Variants in ATG7 observed in about 807,000 individuals in gnomAD.
The protein encoded by ATG7 is autophagy related 7.
ATG7 carries 70 observed loss-of-function variants against 82.4 expected under a neutral mutation model. The ratio of observed to expected loss-of-function variants is 0.85; its 90% CI spans 0.70 to 1.04. The LOEUF (loss-of-function observed/expected upper bound fraction) is 1.04, where lower values mean the gene tolerates loss of function less well. ATG7 is among the 50% of genes least tolerant of loss of function. The probability of loss-of-function intolerance (pLI) is 0.00; values close to 1 mark genes in which losing one functional copy is unlikely to be tolerated. For missense variants in ATG7, 792 were observed against 864.3 expected, an observed-to-expected ratio of 0.92 and a Z score of 1.05; for synonymous variants, 287 against 313.0, an observed-to-expected ratio of 0.92 and a Z score of 0.88.
At chr3:11,538,669 T>A (rs1293914277) in intron 20 of ATG7, among the ~76,000 whole-genome samples, 2 of 89,788 alleles carry the variant, frequency 2.2e-5, no homozygotes, top group Non-Finnish European at 3.9e-5. Flanking sequence ...GTGATGAAAC[T>A]CCGTCTCTAA....
the ATG7 span, among the ~76,000 whole-genome samples, chr3:11,570,067 T>C: frequency 6.6e-6 from 1 of 152,208 alleles, no homozygotes. Context: ...CTCCCAACCT[T>C]TACCTGCTGC....
intron 1 of ATG7, among the ~76,000 whole-genome samples, chr3:11,278,906 A>G (rs187006420): frequency 4.3e-4 from 65 of 152,350 alleles, no homozygotes; most frequent in Admixed American, 4.1e-3. Context: ...GGCTTCCCTC[A>G]GAAGTGATGA....
In ATG7 at chr3:11,555,725, G is replaced by A. The variant is rs2072339855; in HGVS notation, c.*882G>A. The A allele has an allele frequency of 6.6e-6, 1 of 152,304 alleles. No homozygotes were observed. The highest frequency in any genetic ancestry group is 1.5e-5 in the Non-Finnish European group (1 of 68,100). The allele number at this position is 152,304 out of a possible 1,614,324, so 9.4% of individuals were successfully genotyped here. A position where few individuals can be genotyped will look rare whatever the true frequency, so the allele number is the denominator to read the frequency against. ...AAGAGCTGGTTTTCCTCTTTATTCT[G>A]GGTGTGTGCAGCTGTGAGGCCCCAA... On this transcript the variant is annotated 3_prime_UTR_variant, in exon 21 of 21. Coordinates refer to ENST00000693202, the MANE Select transcript of ATG7 (RefSeq NM_001349232.2).
At chr3:11,305,611 C>A in intron 5 of ATG7, among the ~76,000 whole-genome samples, 1 of 152,198 alleles carries the variant, frequency 6.6e-6, no homozygotes, top group East Asian at 1.9e-4. Flanking sequence ...TCAAGACCAG[C>A]TTGGATGTCC....
chr3:11,534,983 T>G (rs2092762844), intron 20 of ATG7, among the ~76,000 whole-genome samples: 1 of 152,258 alleles, frequency 6.6e-6, no homozygotes. Flanking sequence ...AGTGCTCATC[T>G]TGCACATTCT....
At chr3:11,322,638 G>A (rs1950357317) in intron 9 of ATG7, among the ~76,000 whole-genome samples, 1 of 151,968 alleles carries the variant, frequency 6.6e-6, no homozygotes, top group Admixed American at 6.6e-5. Context: ...CCTTTTTAAT[G>A]GATGTATGAT....
At chr3:11,412,895 T>G (rs1430907493) in intron 19 of ATG7, among the ~76,000 whole-genome samples, 1 of 152,154 alleles carries the variant, frequency 6.6e-6, no homozygotes, top group Non-Finnish European at 1.5e-5. Flanking sequence ...TTTATAATTT[T>G]TATTGTATAA....
In ATG7 at chr3:11,483,071, G is replaced by A. The variant is rs1365430780; in HGVS notation, c.2079+56145G>A. ...AAGTCCCACCTCTCCTATTTAATAT[G>A]TAAGAATGCAAAATTATCAGCTATT... On this transcript the variant is annotated intron_variant, in intron 20 of 20. Transcript: ENST00000693202. 2.6e-5 allele frequency among the ~76,000 whole-genome samples: 4 copies of A among 151,978 alleles called. No individual in the cohort carries two copies. The South Asian group carries it at 6.2e-4, about 24-fold the overall frequency.
chr3:11,427,839 G>C (rs1243555907), intron 20 of ATG7, among the ~76,000 whole-genome samples: 1 of 151,582 alleles, frequency 6.6e-6, no homozygotes, highest in Non-Finnish European at 1.5e-5. Context: ...AAATTATTGT[G>C]TTTTTCCAAA....
At chr3:11,492,909 GGC>G (rs2090500280) in intron 20 of ATG7, among the ~76,000 whole-genome samples, 1 of 152,234 alleles carries the variant, frequency 6.6e-6, no homozygotes, top group Non-Finnish European at 1.5e-5. Flanking sequence ...GGCCCCAGAG[GGC>G]ATGTTACAAT....
intron 20 of ATG7, among the ~76,000 whole-genome samples, chr3:11,554,401 G>A (rs1050536565): frequency 6.6e-6 from 1 of 152,202 alleles, no homozygotes; most frequent in Non-Finnish European, 1.5e-5. Flanking sequence ...ACGTGCCCAT[G>A]CCAGAATTCC....
At chr3:11,284,612 T>G (rs553215138) in intron 3 of ATG7, among the ~76,000 whole-genome samples, 1 of 151,110 alleles carries the variant, frequency 6.6e-6, no homozygotes, top group African/African-American at 2.4e-5. Flanking sequence ...AATACAGTGG[T>G]GCAGTCATGG....
chr3:11,497,570 T>C (rs900051865), intron 20 of ATG7, among the ~76,000 whole-genome samples: 2 of 150,224 alleles, frequency 1.3e-5, no homozygotes, highest in African/African-American at 4.9e-5. Context: ...GTCCCCCTAT[T>C]TCCCCTGATT....
intron 20 of ATG7, among the ~76,000 whole-genome samples, chr3:11,482,947 G>A (rs759368884): frequency 2.2e-4 from 33 of 151,694 alleles, no homozygotes; most frequent in Admixed American, 3.3e-4. Context: ...CCCCCCTTGA[G>A]CCCCTTACAG....
chr3:11,289,275 T>C (rs1353981814), intron 3 of ATG7, among the ~76,000 whole-genome samples: 2 of 152,286 alleles, frequency 1.3e-5, no homozygotes, highest in East Asian at 3.9e-4. Context: ...CATGAATAAC[T>C]CTGTCTATGA....
rs114751681 is a variant in ATG7, at chr3:11,388,068, C to T, written c.1956+8016C>T. ...AAGCACCATTGCTCTATGAGTGTTT[C>T]TTTGGTACCATTCCCAAGCTCTCCT... is the stretch of plus-strand genomic sequence containing the variant. On this transcript the variant is annotated intron_variant, in intron 19 of 20. Transcript: ENST00000693202. Among the ~76,000 whole-genome samples, 82 of 152,290 alleles carry T rather than the reference C, an allele frequency of 5.4e-4. 1 individual carries two copies. The highest frequency in any genetic ancestry group is 1.9e-3 in the African/African-American group (81 of 41,560).
chr3:11,314,753 C>T (rs910869915), intron 8 of ATG7, among the ~76,000 whole-genome samples: 3 of 147,038 alleles, frequency 2.0e-5, no homozygotes, highest in Admixed American at 7.0e-5. Context: ...TGGGCAATAT[C>T]GTGAAACCCC....
chr3:11,349,387 A>G (rs1198872965), intron 14 of ATG7, among the ~76,000 whole-genome samples: 1 of 152,146 alleles, frequency 6.6e-6, no homozygotes, highest in Non-Finnish European at 1.5e-5. Flanking sequence ...AAATAAAATT[A>G]GCCAGGTGTG....
At chr3:11,487,393 A>G (rs202012963) in intron 20 of ATG7, among the ~76,000 whole-genome samples, 1 of 47,946 alleles carries the variant, frequency 2.1e-5, no homozygotes, top group African/African-American at 7.6e-5. Flanking sequence ...GGGGCTCCTC[A>G]CTTCCCAGTA....
Sources: allele counts gnomAD v4.1 joint callset (sites outside exome capture counted in the v4.1 genomes callset), GRCh38; gene constraint gnomAD v4.1.1; transcripts MANE v1.5; gene names NCBI Gene and HGNC (gene_info 2026-07-23, HGNC 2026-07-21).